TNFSF18: variants seen among roughly 807,000 people sequenced by gnomAD.
The protein encoded by TNFSF18 is tumor necrosis factor ligand superfamily member 18.
In TNFSF18, 6 loss-of-function variants were observed where a neutral mutation model predicts 9.6. That is an observed-to-expected ratio of 0.63 (90% CI 0.34 to 1.24). TNFSF18 has a LOEUF of 1.24. TNFSF18 is among the 50% of genes most tolerant of loss of function. TNFSF18 has a pLI of 0.03. For synonymous variants in TNFSF18, 68 were observed against 71.7 expected, an observed-to-expected ratio of 0.95 and a Z score of 0.26; for missense variants, 210 against 201.0, an observed-to-expected ratio of 1.04 and a Z score of -0.27.
At position 173,039,941 on chromosome 1, in the gene TNFSF18, A is replaced by T. The variant is rs1303855821; in HGVS notation, c.*1426T>A. ...AGCAATTTTTGTTAAACAAAATACA[A>T]AAAAAACCTCTTTTAAATAGCTTTA... is the stretch of plus-strand genomic sequence containing the variant. On this transcript the variant is annotated 3_prime_UTR_variant, in exon 3 of 3. Transcript: ENST00000404377. The T allele has an allele frequency of 2.0e-5, 3 of 151,772 alleles. No individual in the cohort carries two copies. Among genetic ancestry groups the T allele is most frequent in the African/African-American group, 7.3e-5 (3 of 41,360 alleles). 9.4% of individuals were successfully genotyped at this position (151,772 alleles called of 1,614,324 possible). A position where few individuals can be genotyped will look rare whatever the true frequency, so the allele number is the denominator to read the frequency against.
chr1:173,042,773 T>G (rs1665013554), intron 2 of TNFSF18, among the ~76,000 whole-genome samples: 1 of 152,108 alleles, frequency 6.6e-6, no homozygotes, highest in African/African-American at 2.4e-5. Flanking sequence ...TCCATAATTT[T>G]TGTCCTTTGT....
At chr1:173,042,084 T>C (rs1665003754) in intron 2 of TNFSF18, among the ~76,000 whole-genome samples, 1 of 152,204 alleles carries the variant, frequency 6.6e-6, no homozygotes, top group African/African-American at 2.4e-5. Flanking sequence ...TGGCAGTCCA[T>C]GCCTTTCCAG....
At chr1:173,044,283 G>C (rs1316540961) in intron 1 of TNFSF18, among the ~76,000 whole-genome samples, 2 of 150,830 alleles carry the variant, frequency 1.3e-5, no homozygotes, top group Non-Finnish European at 2.9e-5. Context: ...GGCTCTAAAA[G>C]TTTTTCAACA....
At chr1:173,046,252 A>G (rs1461322749) in intron 1 of TNFSF18, among the ~76,000 whole-genome samples, 3 of 152,220 alleles carry the variant, frequency 2.0e-5, no homozygotes, top group Non-Finnish European at 2.9e-5. Flanking sequence ...TATAATGAAG[A>G]TAGAGAGAAG....
intron 1 of TNFSF18, among the ~76,000 whole-genome samples, chr1:173,047,084 CA>C (rs1167295142): frequency 2.6e-5 from 4 of 151,978 alleles, no homozygotes; most frequent in African/African-American, 9.7e-5. Context: ...TTTGTAGAGA[CA>C]GGGTTTTGCC....
chr1:173,041,819 T>TAATGATACGGCGATC, intron 2 of TNFSF18, 106 bp from the exon 3 acceptor site: 3 of 949,780 alleles, frequency 3.2e-6, no homozygotes, highest in Non-Finnish European at 4.5e-6. Context: ...GTTGTTTCTT[T>TAATGATACGGCGATC]ACCTGATCTA....
intron 2 of TNFSF18, among the ~76,000 whole-genome samples, chr1:173,042,217 A>G (rs529750598): frequency 5.8e-4 from 89 of 152,282 alleles, no homozygotes; most frequent in African/African-American, 1.9e-3. Flanking sequence ...AGTTTTCTTC[A>G]TAAAGTGTGT....
intron 1 of TNFSF18, among the ~76,000 whole-genome samples, chr1:173,044,730 C>CT (rs1274863348): frequency 6.6e-6 from 1 of 152,190 alleles, no homozygotes; most frequent in African/African-American, 2.4e-5. Flanking sequence ...GCACACTTTC[C>CT]TTTTGTAGGA....
At chr1:173,043,820 T>C in intron 2 of TNFSF18, 119 bp downstream of exon 2, 1 of 984,124 alleles carries the variant, frequency 1.0e-6, no homozygotes, top group African/African-American at 1.6e-5. Context: ...GATAAGTAAT[T>C]ATACATAGTA....
rs1664984970 is a variant in TNFSF18 at position 173,041,253 on chromosome 1, T to C, written c.*114A>G. On this transcript the variant is annotated 3_prime_UTR_variant, in exon 3 of 3. Transcript: ENST00000404377. Reference sequence around the variant, plus strand: ...AAATTCACGTGCAGAGGAGTTCTGTTTGTGTTGATTTTTGTAGACAGACAA... The same window carrying C: ...AAATTCACGTGCAGAGGAGTTCTGTCTGTGTTGATTTTTGTAGACAGACAA... 1.2e-6 allele frequency: 1 copy of C among 852,298 alleles called. No homozygotes were observed. The highest frequency in any genetic ancestry group is 1.8e-6 in the Non-Finnish European group (1 of 555,826). The allele number at this position is 852,298 out of a possible 1,614,324, so 52.8% of individuals were successfully genotyped here.
In TNFSF18 at chr1:173,039,668, T is replaced by C. The variant is rs1664958323; in HGVS notation, c.*1699A>G. On this transcript the variant is annotated 3_prime_UTR_variant, in exon 3 of 3. Transcript: ENST00000404377. ...TAGCACCAGCCCACTCCAGCACACA[T>C]TGCTTATAACACAACAAAGATCAAG... Among the ~76,000 whole-genome samples the C allele has an allele frequency of 6.6e-6, 1 of 151,842 alleles. No homozygotes were observed. Among genetic ancestry groups the C allele is most frequent in the South Asian group, 2.1e-4 (1 of 4,818 alleles).
intron 1 of TNFSF18, among the ~76,000 whole-genome samples, chr1:173,048,649 T>A (rs1325333989): frequency 6.6e-6 from 1 of 152,166 alleles, no homozygotes; most frequent in Non-Finnish European, 1.5e-5. Flanking sequence ...GAGCCAAGCT[T>A]CCCATCTAAC....
intron 1 of TNFSF18, among the ~76,000 whole-genome samples, chr1:173,049,387 TC>T (rs1665133475): frequency 6.6e-6 from 1 of 152,212 alleles, no homozygotes; most frequent in Non-Finnish European, 1.5e-5. Flanking sequence ...TCTTCAGAAA[TC>T]TAGACACTAA....
intron 2 of TNFSF18, among the ~76,000 whole-genome samples, chr1:173,043,344 T>A (rs1028091408): frequency 5.3e-5 from 8 of 151,974 alleles, no homozygotes; most frequent in African/African-American, 1.9e-4. Context: ...TTAAAAAAAA[T>A]GTATTTATCT....
chr1:173,048,927 A>T (rs1015479500), intron 1 of TNFSF18, among the ~76,000 whole-genome samples: 2 of 152,210 alleles, frequency 1.3e-5, no homozygotes, highest in Non-Finnish European at 2.9e-5. Context: ...GCAGAAGCTA[A>T]TATCATGTAT....
At chr1:173,048,919 A>G (rs1665123839) in intron 1 of TNFSF18, among the ~76,000 whole-genome samples, 1 of 152,250 alleles carries the variant, frequency 6.6e-6, no homozygotes, top group Admixed American at 6.5e-5. Flanking sequence ...AGTGAAATGC[A>G]GAAGCTAATA....
chr1:173,041,168 A>G lies in TNFSF18; in HGVS notation c.*199T>C. On this transcript the variant is annotated 3_prime_UTR_variant, in exon 3 of 3. Coordinates refer to ENST00000404377, the MANE Select transcript of TNFSF18 (RefSeq NM_005092.4). ...ATGGATTAATGAAGTATCTCTGCAG[A>G]TCCAACCAAAAGTCTTTGGCTCTTC... 3.9e-6 allele frequency: 2 copies of G among 510,152 alleles called. No homozygotes were observed. The highest frequency in any genetic ancestry group is 6.1e-5 in the East Asian group (2 of 32,662). The allele number at this position is 510,152 out of a possible 1,614,324, so 31.6% of individuals were successfully genotyped here.
rs769352144 is a variant in TNFSF18 at position 173,040,274 on chromosome 1, C to T, written c.*1093G>A. ...AGGAAAGATCTGTTGTAGCTTCACT[C>T]TGCTCACCTTGGGCTAAAGGGGAAT... On this transcript the variant is annotated 3_prime_UTR_variant, in exon 3 of 3. Transcript: ENST00000404377. The T allele has an allele frequency of 1.3e-5, 2 of 151,906 alleles. No individual in the cohort carries two copies. Among genetic ancestry groups the T allele is most frequent in the Non-Finnish European group, 2.9e-5 (2 of 67,982 alleles). The allele number at this position is 151,906 out of a possible 1,614,324, so 9.4% of individuals were successfully genotyped here.
At chr1:173,041,735 A>G (rs1227190763) in intron 2 of TNFSF18, 22 bp from the exon 3 acceptor site, 1 of 1,523,224 alleles carries the variant, frequency 6.6e-7, no homozygotes, top group African/African-American at 1.4e-5. Context: ...ATACAAGGAT[A>G]AAAAAGATGA....
Sources: gnomAD v4.1 joint callset for allele counts (sites outside exome capture counted in the v4.1 genomes callset) on GRCh38, gnomAD v4.1.1 for gene constraint, MANE v1.5 for transcripts, NCBI Gene and HGNC (gene_info 2026-07-23, HGNC 2026-07-21) for gene names.